Variants in CCDC73 observed in about 807,000 individuals in gnomAD.
The protein encoded by CCDC73 is coiled-coil domain containing 73.
Under a neutral mutation model 116.5 loss-of-function variants are expected in CCDC73, and 95 were observed. The observed-to-expected ratio is 0.82, with a 90% CI of 0.69 to 0.97. The LOEUF is 0.97. Among genes scored for constraint, CCDC73 ranks in the 50% least tolerant of loss-of-function variants. The probability of loss-of-function intolerance (pLI) is 0.00; values close to 1 mark genes in which losing one functional copy is unlikely to be tolerated. For missense variants in CCDC73, 1,066 were observed against 1,206.8 expected, an observed-to-expected ratio of 0.88 and a Z score of 1.73; for synonymous variants, 398 against 401.3, an observed-to-expected ratio of 0.99 and a Z score of 0.10.
chr11:32,803,763 A>G, the CCDC73 span, among the ~76,000 whole-genome samples: 5 of 152,196 alleles, frequency 3.3e-5, no homozygotes, highest in African/African-American at 2.4e-5. Flanking sequence ...AAAGTGCAGT[A>G]TGTAATCATT....
At chr11:32,808,202 G>A in the CCDC73 span, among the ~76,000 whole-genome samples, 1 of 152,114 alleles carries the variant, frequency 6.6e-6, no homozygotes, top group South Asian at 2.1e-4. Context: ...TAGATGTGTG[G>A]GAGAAAAAGT....
chr11:32,745,159 T>C (rs1490195450), intron 2 of CCDC73, among the ~76,000 whole-genome samples: 2 of 152,236 alleles, frequency 1.3e-5, no homozygotes, highest in Non-Finnish European at 2.9e-5. Flanking sequence ...CATTTCGTTA[T>C]GGACCCAGTA....
chr11:32,637,303 G>A (rs1855691042), intron 13 of CCDC73, among the ~76,000 whole-genome samples: 1 of 151,988 alleles, frequency 6.6e-6, no homozygotes. Context: ...GAGTCACTGA[G>A]CCTGGCCCTG....
intron 13 of CCDC73, 147 bp from the exon 14 acceptor site, chr11:32,635,977 T>A (rs921330145): frequency 3.5e-5 from 18 of 521,486 alleles, no homozygotes; most frequent in Non-Finnish European, 4.2e-5. Flanking sequence ...GAGCTACCAT[T>A]TATTGAATTG....
the CCDC73 span, among the ~76,000 whole-genome samples, chr11:32,816,847 G>A: frequency 1.1e-4 from 16 of 151,974 alleles, no homozygotes; most frequent in Non-Finnish European, 1.8e-4. Context: ...TCAATGGCGC[G>A]ATCTCGGCTC....
Position 32,675,621 on chromosome 11 carries a change from T to C in CCDC73, c.589A>G (p.Lys197Glu), listed in dbSNP as rs1270728525. 1 of 1,593,478 alleles carries C rather than the reference T, an allele frequency of 6.3e-7. No individual in the cohort carries two copies. Among genetic ancestry groups the C allele is most frequent in the Non-Finnish European group, 8.5e-7 (1 of 1,173,896 alleles). The change falls in exon 9 of 18, where the codon AAA (lysine) becomes GAA (glutamate). Residue 197 changes from lysine to glutamate, a missense_variant. By Grantham distance (56) the Lys-to-Glu change is moderately conservative. Coordinates refer to ENST00000335185, the MANE Select transcript of CCDC73 (RefSeq NM_001008391.4). ...TTTTTATTTAAAGCTGAAAGTCTTT[T>C]GTTTGATTGTATTGCTTCCCGTACT... Reference protein sequence around the residue: ...QNVREAIQSNKRLSALNKKQE... With the variant: ...QNVREAIQSNERLSALNKKQE...
intron 7 of CCDC73, chr11:32,681,604 A>G (rs1425187689): frequency 6.6e-6 from 1 of 152,000 alleles, no homozygotes; most frequent in East Asian, 1.9e-4. Context: ...AATTTTCTTA[A>G]TAGTATTTTT....
intron 2 of CCDC73, among the ~76,000 whole-genome samples, chr11:32,754,862 C>T (rs116723235): frequency 0.05 from 7,222 of 145,130 alleles, 195 homozygotes; most frequent in African/African-American, 0.068. Context: ...CCAGAGTACA[C>T]AGAAGATGGC....
chr11:32,692,523 G>A (rs943720445), intron 6 of CCDC73, among the ~76,000 whole-genome samples: 2 of 152,040 alleles, frequency 1.3e-5, no homozygotes, highest in South Asian at 4.1e-4. Flanking sequence ...AATTAAGTAA[G>A]TTTAAATTTA....
chr11:32,775,351 T>C (rs959939501), intron 1 of CCDC73, among the ~76,000 whole-genome samples: 2 of 152,224 alleles, frequency 1.3e-5, no homozygotes, highest in African/African-American at 4.8e-5. Flanking sequence ...ATTTCCTTTA[T>C]GTTTCTGCAG....
At chr11:32,619,641 C>G (rs1467199330) in intron 14 of CCDC73, among the ~76,000 whole-genome samples, 1 of 150,042 alleles carries the variant, frequency 6.7e-6, no homozygotes, top group Admixed American at 6.7e-5. Context: ...CCACTGCACT[C>G]CAGCCTGGGT....
At chr11:32,670,275 C>A (rs955481421) in intron 9 of CCDC73, among the ~76,000 whole-genome samples, 4 of 152,132 alleles carry the variant, frequency 2.6e-5, no homozygotes, top group African/African-American at 9.7e-5. Flanking sequence ...GTAATCCCAG[C>A]ACTTTGGGAG....
At chr11:32,654,814 T>C (rs776654727) in intron 10 of CCDC73, 30 bp downstream of exon 10, 51 of 1,361,424 alleles carry the variant, frequency 3.7e-5, no homozygotes, top group Admixed American at 2.0e-4. Flanking sequence ...AAAATATTAA[T>C]GTTATAAACA....
At position 32,613,532 on chromosome 11, in the gene CCDC73, G is replaced by A. The variant is rs149853604; in HGVS notation, c.2786C>T (p.Ser929Phe). The change falls in exon 16 of 18, where the codon TCT (serine) becomes TTT (phenylalanine). Residue 929 changes from serine to phenylalanine, a missense_variant. By Grantham distance (155) the Ser-to-Phe change is radical. Transcript: ENST00000335185. ...TAGTGGTCTCTCCTTCAGCAACAAA[G>A]AAATGCAAGGGGTCGAACTGCTCGC... The part of the protein sequence containing the change: ...QTASSSTPCI[S>F]LLLKERPLDP... 3.1e-3 allele frequency: 4,938 copies of A among 1,614,104 alleles called. 15 individuals are homozygous for A. Among genetic ancestry groups the A allele is most frequent in the Middle Eastern group, 7.8e-3 (47 of 6,062 alleles).
chr11:32,777,635 C>A (rs1207607684), intron 1 of CCDC73, among the ~76,000 whole-genome samples: 1 of 152,014 alleles, frequency 6.6e-6, no homozygotes, highest in East Asian at 1.9e-4. Context: ...ATTTCACTTT[C>A]TATACTATTG....
intron 2 of CCDC73, among the ~76,000 whole-genome samples, chr11:32,744,050 T>C (rs1189027526): frequency 2.0e-5 from 3 of 152,212 alleles, no homozygotes; most frequent in Non-Finnish European, 4.4e-5. Context: ...GGGTTTGTCC[T>C]AAATAGCTCT....
chr11:32,791,797 C>T (rs1264033648), intron 1 of CCDC73, among the ~76,000 whole-genome samples: 2 of 152,096 alleles, frequency 1.3e-5, no homozygotes, highest in East Asian at 3.9e-4. Flanking sequence ...CCCATCTCTA[C>T]CAAAAAACAA....
At chr11:32,829,740 G>C in the CCDC73 span, 1 of 984,124 alleles carries the variant, frequency 1.0e-6, no homozygotes, top group Non-Finnish European at 1.2e-6. Context: ...GCGCCGCCAA[G>C]GCGGGGCCAG....
At chr11:32,633,050 T>C (rs979238320) in intron 14 of CCDC73, among the ~76,000 whole-genome samples, 16 of 151,918 alleles carry the variant, frequency 1.1e-4, no homozygotes, top group African/African-American at 3.4e-4. Flanking sequence ...TCAAAACCTG[T>C]TTTTTGTTTG....
Sources: gnomAD v4.1 joint callset for allele counts (sites outside exome capture counted in the v4.1 genomes callset) on GRCh38, gnomAD v4.1.1 for gene constraint, MANE v1.5 for transcripts, NCBI Gene and HGNC (gene_info 2026-07-23, HGNC 2026-07-21) for gene names.